Variants in DLG2 observed in about 807,000 individuals in gnomAD.
DLG2 encodes disks large homolog 2.
Under a neutral mutation model 132.5 loss-of-function variants are expected in DLG2, and 45 were observed. The observed-to-expected ratio is 0.34, with a 90% CI of 0.27 to 0.44. The LOEUF (loss-of-function observed/expected upper bound fraction) is 0.44, where lower values mean the gene tolerates loss of function less well. Ranked by LOEUF, DLG2 falls within the 20% of genes least tolerant of loss-of-function variation. The pLI is 1.00. For synonymous variants in DLG2, 424 were observed against 419.6 expected (o/e 1.01, Z -0.13); for missense variants, 1,045 against 1,196.9 (o/e 0.87, Z 1.87).
chr11:83,790,364 G>A (rs1239579248), intron 17 of DLG2: 1 of 881,670 alleles, frequency 1.1e-6, no homozygotes, highest in Non-Finnish European at 1.9e-6. Context: ...ATCAAGGAAA[G>A]AACCATCTGG....
chr11:83,880,955 G>T (rs956091247), intron 15 of DLG2, among the ~76,000 whole-genome samples: 2 of 151,986 alleles, frequency 1.3e-5, no homozygotes, highest in Non-Finnish European at 2.9e-5. Flanking sequence ...TAGTTTCAAG[G>T]TTCTTAGTTA....
At chr11:85,583,978 C>A in intron 3 of DLG2, among the ~76,000 whole-genome samples, 1 of 152,256 alleles carries the variant, frequency 6.6e-6, no homozygotes. Context: ...AAGTAACCAT[C>A]TAATCCAGTT....
chr11:83,649,585 G>A (rs1365827590), intron 18 of DLG2, among the ~76,000 whole-genome samples: 2 of 152,162 alleles, frequency 1.3e-5, no homozygotes, highest in Non-Finnish European at 2.9e-5. Context: ...TTCAGTTTAT[G>A]TGCTGATCAT....
chr11:84,803,961 T>TGG (rs1168072773), intron 6 of DLG2, among the ~76,000 whole-genome samples: 1 of 152,200 alleles, frequency 6.6e-6, no homozygotes, highest in East Asian at 1.9e-4. Flanking sequence ...CAGAAAAGCA[T>TGG]GCATATAAAA....
chr11:83,601,364 C>G (rs945223964), intron 19 of DLG2, among the ~76,000 whole-genome samples: 1 of 151,958 alleles, frequency 6.6e-6, no homozygotes, highest in East Asian at 1.9e-4. Flanking sequence ...ATGTAGCTAC[C>G]CTGTGATGTT....
chr11:85,160,796 T>G (rs1301100100), intron 4 of DLG2, among the ~76,000 whole-genome samples: 1 of 152,122 alleles, frequency 6.6e-6, no homozygotes, highest in Middle Eastern at 3.2e-3. Context: ...AGGAAAAGAC[T>G]AGGGCCTGGT....
chr11:84,138,416 A>G (rs1377457713), intron 9 of DLG2, among the ~76,000 whole-genome samples: 1 of 152,192 alleles, frequency 6.6e-6, no homozygotes, highest in Non-Finnish European at 1.5e-5. Flanking sequence ...CAGTTCACCT[A>G]GGAGCATCCT....
chr11:84,055,814 A>G (rs993025647), intron 11 of DLG2, among the ~76,000 whole-genome samples: 1 of 152,088 alleles, frequency 6.6e-6, no homozygotes, highest in Non-Finnish European at 1.5e-5. Flanking sequence ...CCACCAGGCT[A>G]TCATCTCCTT....
At chr11:85,485,568 G>A (rs1258947672) in intron 3 of DLG2, among the ~76,000 whole-genome samples, 2 of 152,182 alleles carry the variant, frequency 1.3e-5, no homozygotes, top group African/African-American at 4.8e-5. Context: ...CTGAATGTGA[G>A]TAAGGAGAGG....
intron 6 of DLG2, among the ~76,000 whole-genome samples, chr11:84,609,332 T>C (rs1017004057): frequency 2.6e-5 from 4 of 152,172 alleles, no homozygotes; most frequent in African/African-American, 9.6e-5. Flanking sequence ...TATAAAGTAC[T>C]AAAAACATTA....
intron 6 of DLG2, among the ~76,000 whole-genome samples, chr11:84,553,277 C>T (rs2099405550): frequency 1.3e-5 from 2 of 152,146 alleles, no homozygotes; most frequent in South Asian, 2.1e-4. Flanking sequence ...TCACTGAGCA[C>T]TTAAAATGAG....
chr11:85,218,434 T>A (rs181687694), intron 4 of DLG2, among the ~76,000 whole-genome samples: 15 of 152,132 alleles, frequency 9.9e-5, no homozygotes, highest in Non-Finnish European at 1.8e-4. Context: ...GAAAAGAAGA[T>A]ATACAAGAAG....
rs549980869 is a variant in DLG2, at chr11:85,054,860, T to G, written c.357+56801A>C. On this transcript the variant is annotated intron_variant, in intron 6 of 27. Transcript: ENST00000376104. ...GCCAATAATAGACACTGAGGACTAC[T>G]AGACAGGGAGCAGGGGAGATAAGGG... Among the ~76,000 whole-genome samples the G allele has an allele frequency of 7.2e-4, 110 of 152,258 alleles. 1 individual carries two copies. The highest frequency in any genetic ancestry group is 2.6e-3 in the African/African-American group (107 of 41,572).
intron 16 of DLG2, among the ~76,000 whole-genome samples, chr11:83,839,225 T>C (rs1414803911): frequency 6.6e-6 from 1 of 152,220 alleles, no homozygotes; most frequent in Non-Finnish European, 1.5e-5. Flanking sequence ...TTGGAATTTT[T>C]GAAACTCAGA....
chr11:83,493,683 A>G (rs1303520495), intron 21 of DLG2, among the ~76,000 whole-genome samples: 1 of 152,118 alleles, frequency 6.6e-6, no homozygotes, highest in Non-Finnish European at 1.5e-5. Context: ...CTCCTTAAGT[A>G]AAGTGCTTAT....
Position 83,551,079 on chromosome 11 carries a change from C to A in DLG2, c.1941-9221G>T, listed in dbSNP as rs2096378281. On this transcript the variant is annotated intron_variant, in intron 19 of 27. Coordinates refer to ENST00000376104, the MANE Select transcript of DLG2 (RefSeq NM_001142699.3). ...AATATTAGCTCACTATTTTAAGCTG[C>A]AGTATGATTTTCAGCAAATTACTTC... Among the ~76,000 whole-genome samples, 5 of 152,114 alleles carry A rather than the reference C, an allele frequency of 3.3e-5. No individual in the cohort carries two copies. The South Asian group carries it at 1.0e-3, about 32-fold the overall frequency.
At chr11:83,880,913 T>C (rs544421795) in intron 15 of DLG2, among the ~76,000 whole-genome samples, 32 of 152,294 alleles carry the variant, frequency 2.1e-4, no homozygotes, top group Admixed American at 1.8e-3. Flanking sequence ...CAAATAAACA[T>C]TCATAACACT....
intron 18 of DLG2, among the ~76,000 whole-genome samples, chr11:83,722,243 C>T (rs577289425): frequency 2.8e-4 from 43 of 152,190 alleles, no homozygotes; most frequent in Admixed American, 5.2e-4. Flanking sequence ...ATTATGGTTT[C>T]ATTCTTATGG....
At chr11:85,156,166 C>T (rs1594905566) in intron 4 of DLG2, among the ~76,000 whole-genome samples, 1 of 152,298 alleles carries the variant, frequency 6.6e-6, no homozygotes, top group East Asian at 1.9e-4. Context: ...CTATTGTAGA[C>T]TCTCCTCTTC....
Sources: gnomAD v4.1 joint callset for allele counts (sites outside exome capture counted in the v4.1 genomes callset) on GRCh38, gnomAD v4.1.1 for gene constraint, MANE v1.5 for transcripts, NCBI Gene and HGNC (gene_info 2026-07-23, HGNC 2026-07-21) for gene names.